PRKAR1A: variants seen among roughly 807,000 people sequenced by gnomAD.
PRKAR1A encodes the protein cAMP-dependent protein kinase type I-alpha regulatory subunit.
Under a neutral mutation model 52.0 loss-of-function variants are expected in PRKAR1A, and 3 were observed. The ratio of observed to expected loss-of-function variants is 0.06; its 90% CI spans 0.03 to 0.15. PRKAR1A has a LOEUF of 0.15. PRKAR1A is among the 10% of genes least tolerant of loss of function. The probability of loss-of-function intolerance (pLI) is 1.00; values close to 1 mark genes in which losing one functional copy is unlikely to be tolerated. For missense variants in PRKAR1A, 240 were observed against 477.4 expected (o/e 0.50, Z 4.63); for synonymous variants, 188 against 168.4 (o/e 1.12, Z -0.90).
chr17:68,515,623 AC>A (rs748623009), intron 2 of PRKAR1A, 47 bp downstream of exon 2: 4 of 1,568,536 alleles, frequency 2.6e-6, no homozygotes, highest in Non-Finnish European at 3.5e-6. Flanking sequence ...GACAGTTGTT[AC>A]ATTTAATAAC....
the PRKAR1A span, among the ~76,000 whole-genome samples, chr17:68,461,918 C>A: frequency 3.3e-5 from 5 of 152,158 alleles, no homozygotes; most frequent in East Asian, 9.6e-4. This position sits in a 1 kb window ranked among gnomAD's most constrained non-coding sequence, Gnocchi z 4.6. Flanking sequence ...TCTGGCCGAG[C>A]AGCAGGTGCA....
At chr17:68,530,067 AG>A in intron 10 of PRKAR1A, 66 bp downstream of exon 10, 1 of 1,557,678 alleles carries the variant, frequency 6.4e-7, no homozygotes, top group Non-Finnish European at 8.9e-7. Flanking sequence ...GAGATATTGT[AG>A]TCTTCCATAA....
chr17:68,457,792 C>T, the PRKAR1A span, among the ~76,000 whole-genome samples: 1 of 152,160 alleles, frequency 6.6e-6, no homozygotes, highest in Non-Finnish European at 1.5e-5. Flanking sequence ...CCGCCCCTGG[C>T]TTCGTAACGC....
exon 12 of PRKAR1A, chr17:68,551,202 C>G (rs1260834007): frequency 5.4e-5 from 59 of 1,089,994 alleles, no homozygotes; most frequent in Non-Finnish European, 6.8e-5. Context: ...AAACTCACAC[C>G]AAGCTCTGTC....
intron 11 of PRKAR1A, among the ~76,000 whole-genome samples, chr17:68,546,207 A>G (rs1284621816): frequency 1.3e-5 from 2 of 149,246 alleles, no homozygotes; most frequent in African/African-American, 2.5e-5. Flanking sequence ...CAGCAACTCT[A>G]TCTGTTCAAG....
At chr17:68,439,312 T>C in the PRKAR1A span, among the ~76,000 whole-genome samples, 1 of 152,210 alleles carries the variant, frequency 6.6e-6, no homozygotes, top group African/African-American at 2.4e-5. Context: ...AAATAAAGTA[T>C]TGATACATGC....
the PRKAR1A span, among the ~76,000 whole-genome samples, chr17:68,457,143 A>AGTGGG: frequency 8.2e-5 from 12 of 146,438 alleles, no homozygotes; most frequent in African/African-American, 2.2e-4. Context: ...GGACACTGGG[A>AGTGGG]GTGGGGTGGG....
At chr17:68,436,722 T>G in the PRKAR1A span, among the ~76,000 whole-genome samples, 1 of 152,190 alleles carries the variant, frequency 6.6e-6, no homozygotes, top group Admixed American at 6.5e-5. Flanking sequence ...ACAATGAGAC[T>G]TGCCGGGCAC....
At chr17:68,512,065 C>A (rs1038007738), upstream of PRKAR1A, 3 of 153,440 alleles carry the variant, frequency 2.0e-5, no homozygotes, top group Admixed American at 1.3e-4. Context: ...GAGAGGGAAG[C>A]GCACGATAGC....
chr17:68,464,549 C>T, the PRKAR1A span, among the ~76,000 whole-genome samples: 1 of 152,078 alleles, frequency 6.6e-6, no homozygotes, highest in African/African-American at 2.4e-5. Flanking sequence ...GGTGTGGTGG[C>T]ACGTGCCTGT....
chr17:68,480,871 C>G, the PRKAR1A span, among the ~76,000 whole-genome samples: 2 of 152,194 alleles, frequency 1.3e-5, no homozygotes, highest in Non-Finnish European at 2.9e-5. Flanking sequence ...TCCTGAGCTA[C>G]TGGATAATTT....
At chr17:68,466,242 T>G in the PRKAR1A span, among the ~76,000 whole-genome samples, 1 of 152,126 alleles carries the variant, frequency 6.6e-6, no homozygotes, top group Non-Finnish European at 1.5e-5. Flanking sequence ...GACCTGCCCT[T>G]TTAGGCTTTG....
the PRKAR1A span, among the ~76,000 whole-genome samples, chr17:68,450,260 G>A: frequency 6.6e-6 from 1 of 152,224 alleles, no homozygotes; most frequent in South Asian, 2.1e-4. Flanking sequence ...AGGACGTGGT[G>A]GGAGAAGGGC....
At chr17:68,517,558 G>A (rs1472699795) in intron 2 of PRKAR1A, among the ~76,000 whole-genome samples, 1 of 152,164 alleles carries the variant, frequency 6.6e-6, no homozygotes, top group Non-Finnish European at 1.5e-5. Flanking sequence ...CTATCGTGAG[G>A]ACTCACTCAC....
the PRKAR1A span, among the ~76,000 whole-genome samples, chr17:68,439,446 G>A: frequency 6.6e-6 from 1 of 152,124 alleles, no homozygotes; most frequent in Non-Finnish European, 1.5e-5. Flanking sequence ...ATCTAATAGA[G>A]ACAGAAAGTA....
chr17:68,531,804 AAC>A lies in PRKAR1A; in HGVS notation c.*1357_*1358del. ...GTGTTACATTATTCCAATGATACCC[AAC>A]AGTTTATTTTTATTATTTTTTTAAA... is the stretch of plus-strand genomic sequence containing the variant. On this transcript the variant is annotated 3_prime_UTR_variant, in exon 11 of 11. Coordinates refer to ENST00000589228, the MANE Select transcript of PRKAR1A (RefSeq NM_002734.5). The A allele has an allele frequency of 9.7e-7, 1 of 1,033,182 alleles. No homozygotes were observed. The highest frequency in any genetic ancestry group is 1.2e-6 in the Non-Finnish European group (1 of 849,658). The allele number at this position is 1,033,182 out of a possible 1,614,324, so 64.0% of individuals were successfully genotyped here. A position where few individuals can be genotyped will look rare whatever the true frequency, so the allele number is the denominator to read the frequency against.
At chr17:68,442,321 T>G in the PRKAR1A span, among the ~76,000 whole-genome samples, 2 of 151,900 alleles carry the variant, frequency 1.3e-5, no homozygotes, top group Non-Finnish European at 2.9e-5. Context: ...AAAAATTAGC[T>G]GGGTGTGGTG....
At chr17:68,516,551 A>G (rs2085440181) in intron 2 of PRKAR1A, among the ~76,000 whole-genome samples, 1 of 152,112 alleles carries the variant, frequency 6.6e-6, no homozygotes, top group South Asian at 2.1e-4. Flanking sequence ...TATAATAGAA[A>G]TAATTTGCTT....
At chr17:68,452,905 C>T in the PRKAR1A span, 1 of 1,613,512 alleles carries the variant, frequency 6.2e-7, no homozygotes, top group East Asian at 2.2e-5. Flanking sequence ...CTCACACACA[C>T]TTACTGCTTC....
Sources: allele counts gnomAD v4.1 joint callset (sites outside exome capture counted in the v4.1 genomes callset), GRCh38; gene constraint gnomAD v4.1.1; non-coding constraint Gnocchi (gnomAD v3.1); transcripts MANE v1.5; gene names NCBI Gene and HGNC (gene_info 2026-07-23, HGNC 2026-07-21).